Variants in HK1 observed in about 807,000 individuals in gnomAD.
The protein encoded by HK1 is hexokinase-1.
A neutral mutation model predicts 91.6 loss-of-function variants in HK1; 28 were observed. That is an observed-to-expected ratio of 0.31 (90% CI 0.23 to 0.42). The LOEUF (loss-of-function observed/expected upper bound fraction) is 0.42, where lower values mean the gene tolerates loss of function less well. HK1 is among the 10% of genes least tolerant of loss of function. The pLI is 1.00. For synonymous variants in HK1, 430 were observed against 468.1 expected (o/e 0.92, Z 1.05); for missense variants, 770 against 1,219.8 (o/e 0.63, Z 5.49).
At chr10:69,372,104 A>G (rs940872682) in intron 7 of HK1, among the ~76,000 whole-genome samples, 8 of 152,240 alleles carry the variant, frequency 5.3e-5, no homozygotes, top group African/African-American at 1.9e-4. Flanking sequence ...GAAATTGTGC[A>G]GGGGAACTCC....
At chr10:69,272,677 A>T in intron 1 of HK1, among the ~76,000 whole-genome samples, 1 of 147,750 alleles carries the variant, frequency 6.8e-6, no homozygotes, top group Admixed American at 6.7e-5. Flanking sequence ...TCCCCTTTCT[A>T]GCTGTTTGTA....
chr10:69,312,485 C>T (rs540457822), upstream of HK1, among the ~76,000 whole-genome samples: 3 of 151,468 alleles, frequency 2.0e-5, no homozygotes, highest in Non-Finnish European at 4.4e-5. Flanking sequence ...GTGATCCACC[C>T]GCCTCGGCCT....
At chr10:69,311,229 A>G (rs568644179), upstream of HK1, among the ~76,000 whole-genome samples, 4 of 152,252 alleles carry the variant, frequency 2.6e-5, no homozygotes, top group Admixed American at 2.6e-4. Flanking sequence ...ACTGAATTCC[A>G]AAAGGGATGA....
rs1041083419 is a variant in HK1, at chr10:69,362,278, A to G, written c.375+2233A>G. Among the ~76,000 whole-genome samples, 9 of 151,934 alleles carry G rather than the reference A, an allele frequency of 5.9e-5. No homozygotes were observed. The East Asian group carries it at 1.7e-3, about 30-fold the overall frequency. On this transcript the variant is annotated intron_variant, in intron 3 of 17. Coordinates refer to ENST00000359426, the MANE Select transcript of HK1 (RefSeq NM_000188.3). ...TTTTTTTTAAAGATGGGATCTTGCC[A>G]GGTTGCCCAGGCAGATCTCAAACTC...
chr10:69,302,002 T>C (rs1334010101), intron 5 of HK1, among the ~76,000 whole-genome samples: 2 of 152,064 alleles, frequency 1.3e-5, no homozygotes, highest in African/African-American at 4.8e-5. Flanking sequence ...TCCTAGAACT[T>C]TGGGAGGCCG....
intron 1 of HK1, among the ~76,000 whole-genome samples, chr10:69,341,827 G>C (rs879460444): frequency 1.3e-5 from 2 of 152,008 alleles, no homozygotes; most frequent in Admixed American, 1.3e-4. Flanking sequence ...TATTGTAAAG[G>C]GAAAAAGGTG....
chr10:69,381,821 T>C (rs1246116260), intron 9 of HK1, among the ~76,000 whole-genome samples: 2 of 152,222 alleles, frequency 1.3e-5, no homozygotes, highest in South Asian at 4.1e-4. Flanking sequence ...CCCAAAGTAC[T>C]GGGATTACAG....
chr10:69,398,590 C>T lies in HK1; in HGVS notation c.2376-5C>T. The T allele has an allele frequency of 6.2e-7, 1 of 1,611,776 alleles. No homozygotes were observed. Among genetic ancestry groups the T allele is most frequent in the Non-Finnish European group, 8.5e-7 (1 of 1,178,798 alleles). ...ATCCAGCCCTCTGGCTCTTGTCCCC[C>T]ACAGTGACCGATTAGCACTGCTCCA... On this transcript the variant is annotated splice_polypyrimidine_tract_variant and splice_region_variant and intron_variant, in intron 16 of 17. Transcript: ENST00000359426.
At chr10:69,315,025 C>T (rs370859696), upstream of HK1, among the ~76,000 whole-genome samples, 13 of 152,238 alleles carry the variant, frequency 8.5e-5, no homozygotes, top group East Asian at 1.7e-3. Context: ...AGTTCGAGAC[C>T]AGCCTGGGCA....
chr10:69,276,288 TTGTAA>T (rs1336024766), intron 1 of HK1, among the ~76,000 whole-genome samples: 1 of 151,742 alleles, frequency 6.6e-6, no homozygotes, highest in Non-Finnish European at 1.5e-5. Flanking sequence ...AAATTTATTC[TTGTAA>T]TGTGGATTTG....
intron 1 of HK1, among the ~76,000 whole-genome samples, chr10:69,320,798 TG>T (rs1437562895): frequency 6.6e-6 from 1 of 152,170 alleles, no homozygotes; most frequent in Admixed American, 6.5e-5. Context: ...TGAGCTGGGC[TG>T]AGGTTTGGAC....
At chr10:69,285,440 AC>A (rs1478053866) in intron 2 of HK1, among the ~76,000 whole-genome samples, 1 of 152,124 alleles carries the variant, frequency 6.6e-6, no homozygotes, top group Admixed American at 6.5e-5. Flanking sequence ...ACAACAAAAA[AC>A]AAACAAACAA....
upstream of HK1, among the ~76,000 whole-genome samples, chr10:69,318,634 C>T (rs1589474423): frequency 1.3e-5 from 2 of 152,266 alleles, no homozygotes; most frequent in South Asian, 2.1e-4. Flanking sequence ...CGCCCGCCCC[C>T]TTTCCGGCGC....
At chr10:69,345,525 C>G (rs577845584) in intron 2 of HK1, among the ~76,000 whole-genome samples, 2 of 152,236 alleles carry the variant, frequency 1.3e-5, no homozygotes, top group South Asian at 4.2e-4. Flanking sequence ...CTGACTGCTT[C>G]CAGCTGAGAG....
chr10:69,363,162 A>G lies in HK1; in HGVS notation c.376-1621A>G, dbSNP rs1849522531. ...TAAGACAGCCTTCTTCTGGGTTCCA[A>G]AAAGCTCCATGGCTGTGTCACTGCC... is the stretch of plus-strand genomic sequence containing the variant. On this transcript the variant is annotated intron_variant, in intron 3 of 17. Transcript: ENST00000359426. Among the ~76,000 whole-genome samples, 2 of 152,180 alleles carry G rather than the reference A, an allele frequency of 1.3e-5. 1 individual carries two copies. The highest frequency in any genetic ancestry group is 4.1e-4 in the South Asian group (2 of 4,826).
intron 1 of HK1, among the ~76,000 whole-genome samples, chr10:69,273,593 C>A (rs865840332): frequency 1.3e-5 from 2 of 152,192 alleles, no homozygotes; most frequent in Admixed American, 6.5e-5. Flanking sequence ...CTCAGGTGAT[C>A]CCCCTGTCTT....
At chr10:69,329,456 C>G (rs767952952) in intron 1 of HK1, among the ~76,000 whole-genome samples, 3 of 152,232 alleles carry the variant, frequency 2.0e-5, no homozygotes, top group Admixed American at 1.3e-4. Context: ...CCACCGCGCC[C>G]GGCCAGACAT....
At chr10:69,309,186 T>C (rs1224730651) in intron 5 of HK1, among the ~76,000 whole-genome samples, 1 of 139,306 alleles carries the variant, frequency 7.2e-6, no homozygotes. Flanking sequence ...TCTTTCTTTC[T>C]TTTTTTTTTT....
chr10:69,308,969 C>A (rs558665773), intron 5 of HK1, among the ~76,000 whole-genome samples: 38 of 152,112 alleles, frequency 2.5e-4, no homozygotes, highest in African/African-American at 8.9e-4. Flanking sequence ...AGTTGGGGAC[C>A]CTACTTTAGG....
Sources: gnomAD v4.1 joint callset for allele counts (sites outside exome capture counted in the v4.1 genomes callset) on GRCh38, gnomAD v4.1.1 for gene constraint, MANE v1.5 for transcripts, NCBI Gene and HGNC (gene_info 2026-07-23, HGNC 2026-07-21) for gene names.